VTI1A: variants seen among roughly 807,000 people sequenced by gnomAD.
VTI1A encodes the protein vesicle transport through interaction with t-SNAREs homolog 1A.
A neutral mutation model predicts 34.9 loss-of-function variants in VTI1A; 22 were observed. That is an observed-to-expected ratio of 0.63 (90% CI 0.45 to 0.90). The LOEUF is 0.90. VTI1A is among the 40% of genes least tolerant of loss of function. VTI1A has a pLI of 0.00. For missense variants in VTI1A, 268 were observed against 275.6 expected (o/e 0.97, Z 0.20); for synonymous variants, 87 against 97.3 (o/e 0.89, Z 0.62).
the VTI1A span, chr10:112,827,470 A>G: frequency 6.6e-6 from 1 of 151,958 alleles, no homozygotes; most frequent in South Asian, 2.1e-4. Flanking sequence ...TCATTCAGGC[A>G]TTAGTTTCAA....
At chr10:112,755,589 T>A (rs1851257415) in intron 7 of VTI1A, among the ~76,000 whole-genome samples, 1 of 152,184 alleles carries the variant, frequency 6.6e-6, no homozygotes, top group South Asian at 2.1e-4. Context: ...CCAAAACAGT[T>A]TTCTGTCAGT....
At chr10:112,690,158 A>G (rs1270030905) in intron 7 of VTI1A, among the ~76,000 whole-genome samples, 2 of 152,110 alleles carry the variant, frequency 1.3e-5, no homozygotes, top group African/African-American at 4.8e-5. Flanking sequence ...TTATCTATTC[A>G]CCAGTAGATG....
At chr10:112,454,499 G>A (rs1325342578) in intron 1 of VTI1A, among the ~76,000 whole-genome samples, 1 of 152,136 alleles carries the variant, frequency 6.6e-6, no homozygotes, top group South Asian at 2.1e-4. Flanking sequence ...CTACTCAGGA[G>A]GCTGAGATGG....
the VTI1A span, among the ~76,000 whole-genome samples, chr10:112,849,696 A>G: frequency 3.3e-5 from 5 of 152,204 alleles, no homozygotes; most frequent in African/African-American, 9.7e-5. Flanking sequence ...GGTGAACTAT[A>G]TTTGACTGAT....
chr10:112,533,473 C>G, intron 4 of VTI1A: 2 of 980,814 alleles, frequency 2.0e-6, no homozygotes, highest in Non-Finnish European at 2.4e-6. Context: ...GACAACTGAT[C>G]TTTCTTTCCT....
intron 5 of VTI1A, among the ~76,000 whole-genome samples, chr10:112,636,728 C>CAAAAAAAAAA (rs10667914): frequency 1.8e-5 from 2 of 111,696 alleles, no homozygotes; most frequent in African/African-American, 3.7e-5. Flanking sequence ...GACTCGATCT[C>CAAAAAAAAAA]AAAAAAAAAA....
intron 7 of VTI1A, among the ~76,000 whole-genome samples, chr10:112,762,895 G>A (rs574481971): frequency 5.3e-5 from 8 of 152,024 alleles, no homozygotes; most frequent in Non-Finnish European, 1.0e-4. Context: ...TAAATCTCAC[G>A]GATCCAGCTC....
intron 5 of VTI1A, among the ~76,000 whole-genome samples, chr10:112,650,634 C>A (rs1411540444): frequency 1.3e-5 from 2 of 152,120 alleles, no homozygotes; most frequent in African/African-American, 4.8e-5. Context: ...TTTGTTTACA[C>A]CAGCATCACC....
chr10:112,668,149 GTA>G, intron 5 of VTI1A, 67 bp from the exon 6 acceptor site: 1 of 1,294,692 alleles, frequency 7.7e-7, no homozygotes, highest in Non-Finnish European at 1.1e-6. Flanking sequence ...TGCCATTTTA[GTA>G]TTTCTGAGAT....
At position 112,479,995 on chromosome 10, in the gene VTI1A, A is replaced by G. The variant is rs143083393; in HGVS notation, c.264+15338A>G. On this transcript the variant is annotated intron_variant, in intron 3 of 7. Coordinates refer to ENST00000393077, the MANE Select transcript of VTI1A (RefSeq NM_145206.4). ...AAACTTTTCTAAAAGTATCTGTTAA[A>G]TATTGTCATTCATATTGATAAAGTA... 2.0e-3 allele frequency among the ~76,000 whole-genome samples: 312 copies of G among 152,352 alleles called. 2 individuals are homozygous for G. The highest frequency in any genetic ancestry group is 7.3e-3 in the African/African-American group (305 of 41,584).
At chr10:112,592,608 T>C (rs138157572) in intron 5 of VTI1A, among the ~76,000 whole-genome samples, 7 of 152,364 alleles carry the variant, frequency 4.6e-5, no homozygotes, top group Non-Finnish European at 1.0e-4. Flanking sequence ...ATCCGTGCTT[T>C]GATTTACATC....
At chr10:112,845,870 T>C in the VTI1A span, among the ~76,000 whole-genome samples, 1 of 151,790 alleles carries the variant, frequency 6.6e-6, no homozygotes, top group South Asian at 2.1e-4. Flanking sequence ...ATACAAAAAT[T>C]AGCCGGGCGT....
chr10:112,830,849 A>ATATATATATATATATATTTTTTTTTTT, the VTI1A span, among the ~76,000 whole-genome samples: 2 of 33,496 alleles, frequency 6.0e-5, no homozygotes, highest in African/African-American at 2.9e-4. Context: ...ATATATATAT[A>ATATATATATATATATATTTTTTTTTTT]TTTTTTTTTT....
At chr10:112,786,703 T>G (rs969674046) in intron 7 of VTI1A, among the ~76,000 whole-genome samples, 3 of 152,216 alleles carry the variant, frequency 2.0e-5, no homozygotes, top group African/African-American at 7.2e-5. Flanking sequence ...TATGTGATTT[T>G]TGTTCTTGAT....
At chr10:112,753,523 ATC>A (rs1317681225) in intron 7 of VTI1A, among the ~76,000 whole-genome samples, 1 of 152,202 alleles carries the variant, frequency 6.6e-6, no homozygotes, top group African/African-American at 2.4e-5. Context: ...AATTACTATT[ATC>A]TGATAGTGGA....
intron 3 of VTI1A, among the ~76,000 whole-genome samples, chr10:112,495,927 G>A (rs375669343): frequency 2.0e-5 from 3 of 152,154 alleles, no homozygotes; most frequent in African/African-American, 7.2e-5. Flanking sequence ...TTTTAACCAA[G>A]TTGAATGCTA....
chr10:112,476,682 A>G (rs1009850282), intron 3 of VTI1A, among the ~76,000 whole-genome samples: 1 of 152,226 alleles, frequency 6.6e-6, no homozygotes, highest in African/African-American at 2.4e-5. Flanking sequence ...AGAAGATTTC[A>G]TACTTTGGCC....
At chr10:112,808,624 CAAAAAAAAAAA>C (rs760656671) in intron 7 of VTI1A, among the ~76,000 whole-genome samples, 2 of 59,588 alleles carry the variant, frequency 3.4e-5, no homozygotes, top group South Asian at 1.2e-3. Flanking sequence ...GACTCCATCT[CAAAAAAAAAAA>C]AAAAAAAAAG....
At chr10:112,854,012 G>A in the VTI1A span, among the ~76,000 whole-genome samples, 35 of 152,014 alleles carry the variant, frequency 2.3e-4, no homozygotes, top group Non-Finnish European at 5.1e-4. Flanking sequence ...TCAGCTCCAG[G>A]CCTCCCTTCT....
Sources: allele counts gnomAD v4.1 joint callset (sites outside exome capture counted in the v4.1 genomes callset), GRCh38; gene constraint gnomAD v4.1.1; transcripts MANE v1.5; gene names NCBI Gene and HGNC (gene_info 2026-07-23, HGNC 2026-07-21).